The following PDE4B variants were observed in gnomAD, a reference collection of about 807,000 sequenced individuals.
PDE4B encodes the protein phosphodiesterase 4B, also known as 3',5'-cyclic-AMP phosphodiesterase 4B.
A neutral mutation model predicts 82.2 loss-of-function variants in PDE4B; 20 were observed. The ratio of observed to expected loss-of-function variants is 0.24; its 90% confidence interval spans 0.17 to 0.35. The LOEUF (loss-of-function observed/expected upper bound fraction) is 0.35, where lower values mean the gene tolerates loss of function less well. PDE4B is among the 10% of genes least tolerant of loss of function. The pLI is 1.00. For missense variants in PDE4B, 655 were observed against 907.2 expected (o/e 0.72, Z 3.57); for synonymous variants, 320 against 318.9 (o/e 1.00, Z -0.04).
At chr1:65,917,742 C>A (rs1647179413) in intron 2 of PDE4B, among the ~76,000 whole-genome samples, 1 of 152,076 alleles carries the variant, frequency 6.6e-6, no homozygotes, top group Non-Finnish European at 1.5e-5. Flanking sequence ...AAGTATACTT[C>A]TTTTTCTGAG....
intron 1 of PDE4B, among the ~76,000 whole-genome samples, chr1:65,846,021 A>G (rs1646264542): frequency 6.6e-6 from 1 of 152,030 alleles, no homozygotes; most frequent in Admixed American, 6.6e-5. Context: ...TCAGAAATCA[A>G]TTTTTCAGAA....
chr1:66,162,306 T>TC (rs1646632648), intron 3 of PDE4B, among the ~76,000 whole-genome samples: 1 of 40,986 alleles, frequency 2.4e-5, no homozygotes, highest in Admixed American at 3.4e-4. Flanking sequence ...TGGACTTCTC[T>TC]TTTTTTTTTT....
At chr1:65,933,871 G>A (rs566438357) in intron 3 of PDE4B, among the ~76,000 whole-genome samples, 9 of 152,156 alleles carry the variant, frequency 5.9e-5, no homozygotes, top group Non-Finnish European at 1.0e-4. Flanking sequence ...TAATTATAAA[G>A]TTAAAAGACA....
chr1:65,998,458 A>G (rs1053632457), intron 3 of PDE4B, among the ~76,000 whole-genome samples: 1 of 151,952 alleles, frequency 6.6e-6, no homozygotes, highest in Non-Finnish European at 1.5e-5. Flanking sequence ...ATTGCCATGT[A>G]TTATTTTTAT....
intron 3 of PDE4B, among the ~76,000 whole-genome samples, chr1:66,205,028 C>T (rs114911751): frequency 0.015 from 2,302 of 152,288 alleles, 64 homozygotes; most frequent in African/African-American, 0.051. Context: ...GGTAGTTCAG[C>T]CTTTTCCAAC....
intron 7 of PDE4B, chr1:66,266,830 A>C: frequency 2.5e-6 from 1 of 401,842 alleles, no homozygotes; most frequent in Non-Finnish European, 5.0e-6. Context: ...TTTTCTCCTA[A>C]ATCTGTTCCC....
At chr1:66,320,296 A>G (rs182553978) in intron 7 of PDE4B, among the ~76,000 whole-genome samples, 21 of 152,272 alleles carry the variant, frequency 1.4e-4, no homozygotes, top group African/African-American at 4.1e-4. Context: ...AGAGACTTGC[A>G]ACAAGATGCC....
At chr1:66,141,304 C>A (rs2101146891) in intron 3 of PDE4B, among the ~76,000 whole-genome samples, 1 of 129,810 alleles carries the variant, frequency 7.7e-6, no homozygotes, top group East Asian at 2.3e-4. Context: ...TGGCAGCCAG[C>A]AGTGCAGATA....
chr1:66,326,319 G>A (rs1002542348), intron 7 of PDE4B, among the ~76,000 whole-genome samples: 22 of 152,178 alleles, frequency 1.4e-4, no homozygotes, highest in Non-Finnish European at 2.6e-4. Flanking sequence ...TATGTAACCA[G>A]TTCCCAGACC....
At chr1:66,315,234 C>T (rs1246851804) in intron 7 of PDE4B, among the ~76,000 whole-genome samples, 1 of 152,174 alleles carries the variant, frequency 6.6e-6, no homozygotes, top group African/African-American at 2.4e-5. Flanking sequence ...TATCCATCCC[C>T]TTAGGGTCTT....
intron 3 of PDE4B, among the ~76,000 whole-genome samples, chr1:66,149,564 G>A (rs1646349789): frequency 6.6e-6 from 1 of 152,164 alleles, no homozygotes; most frequent in South Asian, 2.1e-4. Flanking sequence ...GCTTTCTTCT[G>A]CAACTTAAGG....
chr1:66,332,108 A>G, intron 7 of PDE4B: 2 of 1,208,078 alleles, frequency 1.7e-6, no homozygotes, highest in Non-Finnish European at 2.1e-6. Flanking sequence ...CAGAAATGAC[A>G]TCACATACCC....
At chr1:66,011,746 G>A (rs940321289) in intron 3 of PDE4B, among the ~76,000 whole-genome samples, 3 of 151,988 alleles carry the variant, frequency 2.0e-5, no homozygotes, top group African/African-American at 7.2e-5. Context: ...CTAGGATATT[G>A]GCAGGCAGAG....
intron 3 of PDE4B, among the ~76,000 whole-genome samples, chr1:66,242,516 T>C (rs1168640517): frequency 6.6e-6 from 1 of 152,034 alleles, no homozygotes; most frequent in African/African-American, 2.4e-5. Context: ...GAAAGAAAAA[T>C]CTCCTCTGGT....
At chr1:66,315,529 C>T (rs2101878105) in intron 7 of PDE4B, among the ~76,000 whole-genome samples, 1 of 152,310 alleles carries the variant, frequency 6.6e-6, no homozygotes, top group Middle Eastern at 3.4e-3. Context: ...GATCTTGGCT[C>T]ACTACAACCT....
chr1:65,925,260 C>G (rs1647434641), intron 3 of PDE4B, among the ~76,000 whole-genome samples: 1 of 152,034 alleles, frequency 6.6e-6, no homozygotes, highest in Admixed American at 6.6e-5. Flanking sequence ...TTGATAGGTG[C>G]AGCAAACCAC....
chr1:65,806,694 G>A (rs1345421230), intron 1 of PDE4B, among the ~76,000 whole-genome samples: 1 of 152,172 alleles, frequency 6.6e-6, no homozygotes, highest in Non-Finnish European at 1.5e-5. Flanking sequence ...CTTTGGGGAT[G>A]TTGTTAAACA....
intron 3 of PDE4B, among the ~76,000 whole-genome samples, chr1:66,081,188 A>G (rs1360780636): frequency 6.6e-6 from 1 of 152,042 alleles, no homozygotes; most frequent in African/African-American, 2.4e-5. Context: ...TTCCCCCATA[A>G]AAATTGCTGT....
intron 8 of PDE4B, among the ~76,000 whole-genome samples, chr1:66,340,602 AT>A (rs1660906324): frequency 1.3e-5 from 2 of 152,158 alleles, no homozygotes; most frequent in African/African-American, 2.4e-5. Flanking sequence ...AATAATTATA[AT>A]TTTTTAATTA....
Sources: gnomAD v4.1 joint callset for allele counts (sites outside exome capture counted in the v4.1 genomes callset) on GRCh38, gnomAD v4.1.1 for gene constraint, MANE v1.5 for transcripts, NCBI Gene and HGNC (gene_info 2026-07-23, HGNC 2026-07-21) for gene names.